Variants in ARHGEF10L observed in about 807,000 individuals in gnomAD.
The protein encoded by ARHGEF10L is Rho guanine nucleotide exchange factor 10 like.
In ARHGEF10L, 69 loss-of-function variants were observed where a neutral mutation model predicts 141.2. The ratio of observed to expected loss-of-function variants is 0.49; its 90% CI spans 0.40 to 0.60. The LOEUF is 0.60. Among genes scored for constraint, ARHGEF10L ranks in the 20% least tolerant of loss-of-function variants. ARHGEF10L has a pLI of 0.00. For synonymous variants in ARHGEF10L, 711 were observed against 718.5 expected, an observed-to-expected ratio of 0.99 and a Z score of 0.17; for missense variants, 1,482 against 1,734.3, an observed-to-expected ratio of 0.85 and a Z score of 2.58.
chr1:17,575,105 G>A (rs781145899), intron 1 of ARHGEF10L, among the ~76,000 whole-genome samples: 5 of 152,148 alleles, frequency 3.3e-5, no homozygotes, highest in African/African-American at 7.2e-5. Flanking sequence ...TGTGTACCCC[G>A]GGCCAGACCC....
chr1:17,551,087 G>A lies in ARHGEF10L; in HGVS notation c.-44+11137G>A, dbSNP rs1183866355. 2.0e-5 allele frequency among the ~76,000 whole-genome samples: 3 copies of A among 152,062 alleles called. No homozygotes were observed. The South Asian group carries it at 6.2e-4, about 32-fold the overall frequency. ...GGGAGTGAGGATTCACACCAAGGGGGGCAGTCCACCTCGTTTGCCCACGGC... is the reference window on the plus strand; with the variant it reads ...GGGAGTGAGGATTCACACCAAGGGGAGCAGTCCACCTCGTTTGCCCACGGC... On this transcript the variant is annotated intron_variant, in intron 1 of 28. Coordinates refer to ENST00000361221, the MANE Select transcript of ARHGEF10L (RefSeq NM_018125.4).
chr1:17,533,086 T>C, the ARHGEF10L span, among the ~76,000 whole-genome samples: 2 of 152,166 alleles, frequency 1.3e-5, no homozygotes, highest in Non-Finnish European at 2.9e-5. Flanking sequence ...ACAGGCTTCT[T>C]GGCTTTCAAG....
chr1:17,583,489 T>A (rs114383088), intron 2 of ARHGEF10L, among the ~76,000 whole-genome samples: 2,167 of 152,292 alleles, frequency 0.014, 52 homozygotes, highest in African/African-American at 0.049. Flanking sequence ...CCAGGTGCTT[T>A]ATTTATGTTC....
At chr1:17,618,604 A>G in intron 9 of ARHGEF10L, 1 of 1,067,222 alleles carries the variant, frequency 9.4e-7, no homozygotes, top group South Asian at 2.1e-5. Flanking sequence ...GCTTCCTCAC[A>G]GCTCCCATTT....
intron 2 of ARHGEF10L, among the ~76,000 whole-genome samples, chr1:17,581,711 G>A (rs535184540): frequency 1.3e-5 from 2 of 152,304 alleles, no homozygotes; most frequent in African/African-American, 4.8e-5. Context: ...CTCCTGGGCT[G>A]TTGCAAGGTT....
At chr1:17,628,092 C>T (rs1441158987) in intron 15 of ARHGEF10L, among the ~76,000 whole-genome samples, 1 of 151,668 alleles carries the variant, frequency 6.6e-6, no homozygotes, top group African/African-American at 2.4e-5. Context: ...AGTCCCAGCA[C>T]TTTGGGAGGC....
chr1:17,661,795 T>C (rs1025632386), intron 25 of ARHGEF10L, among the ~76,000 whole-genome samples: 7 of 152,234 alleles, frequency 4.6e-5, no homozygotes, highest in African/African-American at 9.6e-5. Flanking sequence ...GGCTCCAGCC[T>C]CCTGCTGTGG....
intron 25 of ARHGEF10L, among the ~76,000 whole-genome samples, chr1:17,657,581 A>G (rs1326924689): frequency 2.0e-5 from 3 of 150,462 alleles, no homozygotes. Flanking sequence ...AGCCTGTTAC[A>G]GGGTTATAAA....
chr1:17,540,452 G>A (rs949448855), intron 1 of ARHGEF10L, among the ~76,000 whole-genome samples: 1 of 152,126 alleles, frequency 6.6e-6, no homozygotes, highest in African/African-American at 2.4e-5. Flanking sequence ...GACTGTGGGA[G>A]GAGAGGATGC....
intron 1 of ARHGEF10L, 31 bp from the exon 2 acceptor site, chr1:17,580,522 G>C: frequency 6.3e-7 from 1 of 1,598,728 alleles, no homozygotes; most frequent in Non-Finnish European, 8.6e-7. Context: ...CCTGACTCCA[G>C]CTAATGCGAT....
chr1:17,607,946 C>A lies in ARHGEF10L; in HGVS notation c.578C>A (p.Pro193His). The change falls in exon 7 of 29, where the codon CCC becomes CAC. Residue 193 changes from proline to histidine, a missense_variant. Physicochemically the swap from Pro to His is moderately conservative, Grantham distance 77. This residue lies in a region of ARHGEF10L where 392 missense variants were observed against 542.1 expected (regional missense o/e 0.72). Coordinates refer to ENST00000361221, the MANE Select transcript of ARHGEF10L (RefSeq NM_018125.4). The surrounding 1 kb of genome is among the most constrained non-coding windows in gnomAD (Gnocchi z 4.5). The part of the protein sequence containing the change: ...EEAKPEVEVE[P>H]AKHRVSFQPK... ...GCCAAGCCGGAGGTCGAGGTCGAGC[C>A]CGCCAAGCACCGAGTGTCCTTCCAG... 6.7e-7 allele frequency: 1 copy of A among 1,494,540 alleles called. No homozygotes were observed. Among genetic ancestry groups the A allele is most frequent in the Non-Finnish European group, 8.9e-7 (1 of 1,122,040 alleles). The allele number at this position is 1,494,540 out of a possible 1,614,324, so 92.6% of individuals were successfully genotyped here. A position where few individuals can be genotyped will look rare whatever the true frequency, so the allele number is the denominator to read the frequency against.
chr1:17,618,458 C>T, intron 9 of ARHGEF10L: 1 of 1,479,494 alleles, frequency 6.8e-7, no homozygotes, highest in East Asian at 2.7e-5. Flanking sequence ...AGGGTCTGCA[C>T]CACCCCCACC....
intron 1 of ARHGEF10L, among the ~76,000 whole-genome samples, chr1:17,559,442 G>C (rs912438692): frequency 6.6e-5 from 10 of 152,184 alleles, no homozygotes; most frequent in Non-Finnish European, 1.5e-4. Context: ...AGAGACCTTG[G>C]CAGGCTGATT....
chr1:17,606,584 G>T (rs571868155), intron 6 of ARHGEF10L, among the ~76,000 whole-genome samples: 5 of 150,654 alleles, frequency 3.3e-5, no homozygotes, highest in Admixed American at 6.6e-5. Flanking sequence ...GTGAGCCACC[G>T]CGACCAGTCA....
Position 17,626,034 on chromosome 1 carries a change from A to AT in ARHGEF10L, c.1397dup (p.Leu467ThrfsTer32). ...GCCCATCCAGAGGTTCCCACAGTTC[A>AT]TACTCCTGCTTCAGGTACTGCTCAG... On this transcript the variant is annotated frameshift_variant, in exon 14 of 29. Coordinates refer to ENST00000361221, the MANE Select transcript of ARHGEF10L (RefSeq NM_018125.4). LOFTEE classifies it high-confidence loss of function. 6.2e-7 allele frequency: 1 copy of AT among 1,613,892 alleles called. No individual in the cohort carries two copies. The highest frequency in any genetic ancestry group is 8.5e-7 in the Non-Finnish European group (1 of 1,179,840).
rs563690203 is a variant in ARHGEF10L at position 17,612,431 on chromosome 1, CATCT to C, written c.610-624_610-621del. 1.5e-4 allele frequency among the ~76,000 whole-genome samples: 23 copies of C among 152,260 alleles called. No homozygotes were observed. In the South Asian group the frequency reaches 4.6e-3, roughly 30 times the overall value. ...AACCAAATTTATCCATTTGCTCATC[CATCT>C]ATTTATCTGTGCATCTATTCATTCA... On this transcript the variant is annotated intron_variant, in intron 7 of 28. Transcript: ENST00000361221.
rs866329175 is a variant in ARHGEF10L at position 17,694,395 on chromosome 1, C to T, written c.3185-763C>T. 138 of 158,348 alleles carry T rather than the reference C, an allele frequency of 8.7e-4. 2 individuals are homozygous for T. Among genetic ancestry groups the T allele is most frequent in the Middle Eastern group, 3.4e-3 (1 of 298 alleles). 9.8% of individuals were successfully genotyped at this position (158,348 alleles called of 1,614,324 possible). A position where few individuals can be genotyped will look rare whatever the true frequency, so the allele number is the denominator to read the frequency against. On this transcript the variant is annotated intron_variant, in intron 27 of 28. Coordinates refer to ENST00000361221, the MANE Select transcript of ARHGEF10L (RefSeq NM_018125.4). ...TGAATCCCGCACCTGGCTCTGGAGC[C>T]CTGTTCTCAGCCACCGTGCTGGGCA...
chr1:17,622,968 T>G, intron 11 of ARHGEF10L, 28 bp from the exon 12 acceptor site: 1 of 1,598,010 alleles, frequency 6.3e-7, no homozygotes, highest in Non-Finnish European at 8.5e-7. Context: ...CGGCCTGGCC[T>G]GCGGCCTCAC....
At chr1:17,527,300 T>C in the ARHGEF10L span, among the ~76,000 whole-genome samples, 1 of 152,204 alleles carries the variant, frequency 6.6e-6, no homozygotes, top group South Asian at 2.1e-4. Context: ...GTCGGAGGAT[T>C]TGTAGGTCAG....
Sources: allele counts gnomAD v4.1 joint callset (sites outside exome capture counted in the v4.1 genomes callset), GRCh38; gene constraint gnomAD v4.1.1; regional missense constraint gnomAD v4.1.1; non-coding constraint Gnocchi (gnomAD v3.1); transcripts MANE v1.5; gene names NCBI Gene and HGNC (gene_info 2026-07-23, HGNC 2026-07-21).